NOP14: variants seen among roughly 807,000 people sequenced by gnomAD.
NOP14 encodes NOP14 nucleolar protein.
Under a neutral mutation model 101.6 loss-of-function variants are expected in NOP14, and 57 were observed. The ratio of observed to expected loss-of-function variants is 0.56; its 90% CI spans 0.45 to 0.70. NOP14 has a LOEUF of 0.70. Ranked by LOEUF, NOP14 falls within the 30% of genes least tolerant of loss-of-function variation. The pLI is 0.00. For synonymous variants in NOP14, 428 were observed against 424.0 expected (o/e 1.01, Z -0.12); for missense variants, 1,134 against 1,075.5 (o/e 1.05, Z -0.76).
At position 2,938,504 on chromosome 4, in the gene NOP14, CAAAAA is replaced by C; in HGVS notation, c.*322_*326del. On this transcript the variant is annotated 3_prime_UTR_variant, in exon 18 of 18. Coordinates refer to ENST00000416614, the MANE Select transcript of NOP14 (RefSeq NM_001291978.2). ...GGGCAACAAGAGCAAAACTCCGTCTCAAAAAAAAAAATTTTTTTTTAAGCGACACA... is the reference window on the plus strand; with the variant it reads ...GGGCAACAAGAGCAAAACTCCGTCTCAAAAAATTTTTTTTTAAGCGACACA... 1 of 288,318 alleles carries C rather than the reference CAAAAA, an allele frequency of 3.5e-6. No individual in the cohort carries two copies. Among genetic ancestry groups the C allele is most frequent in the South Asian group, 3.2e-5 (1 of 30,868 alleles). The allele number at this position is 288,318 out of a possible 1,614,324, so 17.9% of individuals were successfully genotyped here.
rs184398419 is a variant in NOP14 at position 2,942,366 on chromosome 4, C to T, written c.1892-15G>A. ...CAGAGTGGAACCTGAATTCCAAGTGCGACAGGACAGAGATGGCCTGAACAT... is the reference window on the plus strand; with the variant it reads ...CAGAGTGGAACCTGAATTCCAAGTGTGACAGGACAGAGATGGCCTGAACAT... On this transcript the variant is annotated splice_polypyrimidine_tract_variant and intron_variant, in intron 13 of 17. Coordinates refer to ENST00000416614, the MANE Select transcript of NOP14 (RefSeq NM_001291978.2). 2.2e-4 allele frequency: 357 copies of T among 1,611,148 alleles called. 1 individual carries two copies. In the African/African-American group the frequency reaches 3.8e-3, roughly 17 times the overall value.
At chr4:2,944,785 C>T (rs1337709520) in intron 12 of NOP14, among the ~76,000 whole-genome samples, 1 of 152,190 alleles carries the variant, frequency 6.6e-6, no homozygotes, top group Non-Finnish European at 1.5e-5. Flanking sequence ...CAATCACATG[C>T]CTAATAAAGA....
At chr4:2,941,173 T>G in intron 15 of NOP14, 1 of 176,344 alleles carries the variant, frequency 5.7e-6, no homozygotes, top group South Asian at 1.1e-4. Flanking sequence ...TGTTCTTGGG[T>G]CCAGCTGAGA....
Position 2,946,434 on chromosome 4 carries a change from G to A in NOP14, c.1613C>T (p.Ala538Val), listed in dbSNP as rs746877521. 2.5e-5 allele frequency: 41 copies of A among 1,614,218 alleles called. No individual in the cohort carries two copies. The highest frequency in any genetic ancestry group is 3.3e-5 in the South Asian group (3 of 91,088). The change falls in exon 11 of 18, where the codon GCG becomes GTG. Residue 538 changes from alanine (A) to valine (V), a missense_variant. Transcript: ENST00000416614. ...MEEMIETKGR[A>V]ALPGLDVLIY... ...TACCACATCCAACCCTGGCAATGCC[G>A]CCCGGCCTTTGGTCTCAATCATTTC...
At chr4:2,941,964 A>G in intron 14 of NOP14, 2 of 636,030 alleles carry the variant, frequency 3.1e-6, no homozygotes, top group South Asian at 2.2e-5. Flanking sequence ...GGGCGGCTCC[A>G]TTTTTGGTTC....
intron 12 of NOP14, among the ~76,000 whole-genome samples, chr4:2,944,696 C>T (rs962852708): frequency 7.9e-5 from 12 of 152,196 alleles, no homozygotes; most frequent in Non-Finnish European, 1.6e-4. Context: ...CGTGAGCCAC[C>T]GCGCCTGGCC....
At chr4:2,961,843 G>C (rs992272305) in intron 1 of NOP14, 17 of 152,202 alleles carry the variant, frequency 1.1e-4, no homozygotes, top group African/African-American at 4.1e-4. Flanking sequence ...CCAAGCATTG[G>C]AGATCCAAAA....
intron 4 of NOP14, 72 bp downstream of exon 4, chr4:2,954,352 A>G: frequency 6.5e-7 from 1 of 1,548,566 alleles, no homozygotes; most frequent in Admixed American, 2.0e-5. Flanking sequence ...GTACAGGAAA[A>G]AAAAGCTCAA....
At chr4:2,939,774 C>G in intron 15 of NOP14, 129 bp from the exon 16 acceptor site, 2 of 760,586 alleles carry the variant, frequency 2.6e-6, no homozygotes, top group South Asian at 1.5e-5. Context: ...AGGATGGTGC[C>G]CTTGCTGTGC....
At chr4:2,951,312 T>A (rs1358518278) in intron 6 of NOP14, 67 bp from the exon 7 acceptor site, 5 of 1,502,346 alleles carry the variant, frequency 3.3e-6, no homozygotes, top group Non-Finnish European at 4.6e-6. Flanking sequence ...GGCCGTGCAG[T>A]CCTGCCCTGG....
At chr4:2,960,023 G>A (rs1488132010) in intron 1 of NOP14, among the ~76,000 whole-genome samples, 4 of 151,522 alleles carry the variant, frequency 2.6e-5, no homozygotes, top group Non-Finnish European at 5.9e-5. Flanking sequence ...AGGCTGGAGT[G>A]CAGTGGCACA....
Position 2,942,289 on chromosome 4 carries a change from C to T in NOP14, c.1954G>A (p.Ala652Thr), listed in dbSNP as rs767752259. 2.5e-6 allele frequency: 4 copies of T among 1,614,042 alleles called. No homozygotes were observed. The African/African-American group carries it at 5.3e-5, about 22-fold the overall frequency. The change falls in exon 14 of 18, where the codon GCT becomes ACT. Residue 652 changes from alanine to threonine, a missense_variant. Transcript: ENST00000416614. ...GKNSELLVVSAREDVATWQQS... is the reference protein window; with the variant it reads ...GKNSELLVVSTREDVATWQQS... ...TGCCACGTGGCCACATCCTCTCTAGCAGACACCACGAGCAGTTCCGAGTTC... is the reference window on the plus strand; with the variant it reads ...TGCCACGTGGCCACATCCTCTCTAGTAGACACCACGAGCAGTTCCGAGTTC...
chr4:2,963,329 C>T lies in NOP14; in HGVS notation c.-10G>A, dbSNP rs1716309126. The T allele has an allele frequency of 1.3e-6, 2 of 1,562,374 alleles. No individual in the cohort carries two copies. Among genetic ancestry groups the T allele is most frequent in the Admixed American group, 2.0e-5 (1 of 49,672 alleles). ...TCTTCGCCTTCGCCATGGCGCGCGC[C>T]CCGCTGCGCCCAAGGGCCCGAGACC... On this transcript the variant is annotated 5_prime_UTR_variant, in exon 1 of 18. Transcript: ENST00000416614.
At position 2,938,484 on chromosome 4, in the gene NOP14, A is replaced by G; in HGVS notation, c.*347T>C. The G allele has an allele frequency of 2.9e-6, 1 of 339,110 alleles. No individual in the cohort carries two copies. Among genetic ancestry groups the G allele is most frequent in the South Asian group, 2.4e-5 (1 of 42,048 alleles). 21.0% of individuals were successfully genotyped at this position (339,110 alleles called of 1,614,324 possible). A position where few individuals can be genotyped will look rare whatever the true frequency, so the allele number is the denominator to read the frequency against. On this transcript the variant is annotated 3_prime_UTR_variant, in exon 18 of 18. Coordinates refer to ENST00000416614, the MANE Select transcript of NOP14 (RefSeq NM_001291978.2). ...GTGCCATTGCACTCCAGCCTGGGCA[A>G]CAAGAGCAAAACTCCGTCTCAAAAA...
Position 2,948,920 on chromosome 4 carries a change from C to T in NOP14, c.1283-512G>A, listed in dbSNP as rs142539080. 1.6e-3 allele frequency among the ~76,000 whole-genome samples: 247 copies of T among 152,372 alleles called. 2 individuals carry two copies. The highest frequency in any genetic ancestry group is 3.8e-3 in the Admixed American group (58 of 15,312). ...CTGGGCTGTCAGGTGCGATCACGCA[C>T]CTGGGAACAGGCTAATAAGGAAATG... On this transcript the variant is annotated intron_variant, in intron 8 of 17. Coordinates refer to ENST00000416614, the MANE Select transcript of NOP14 (RefSeq NM_001291978.2).
At chr4:2,943,988 C>A in intron 13 of NOP14, 85 bp downstream of exon 13, 2 of 1,170,310 alleles carry the variant, frequency 1.7e-6, no homozygotes, top group Non-Finnish European at 2.4e-6. Context: ...TTCGCATATT[C>A]TAAACTTTCT....
rs975941791 is a variant in NOP14 at position 2,950,131 on chromosome 4, C to A, written c.1085G>T (p.Gly362Val). ...TGTGTCCTCCCCGCCTGAACTGTCA[C>A]CTTCTTCCTCGTTGCTCTCAGGGTC... ...ASDPESNEEEGDSSGGEDTEE... is the reference protein window; with the variant it reads ...ASDPESNEEEVDSSGGEDTEE... The change falls in exon 8 of 18, where the codon GGT (glycine) becomes GTT (valine). Residue 362 changes from glycine to valine, a missense_variant. Gly to Val is a moderately radical substitution (Grantham distance 109, BLOSUM62 -3). Coordinates refer to ENST00000416614, the MANE Select transcript of NOP14 (RefSeq NM_001291978.2). 17 of 1,614,086 alleles carry A rather than the reference C, an allele frequency of 1.1e-5. No homozygotes were observed. The highest frequency in any genetic ancestry group is 1.4e-5 in the Non-Finnish European group (17 of 1,180,038).
At chr4:2,947,122 T>C in intron 10 of NOP14, 1 of 258,830 alleles carries the variant, frequency 3.9e-6, no homozygotes, top group Non-Finnish European at 7.4e-6. Flanking sequence ...AGACAAGAGG[T>C]ACACACTCCC....
Position 2,963,125 on chromosome 4 carries a change from C to G in NOP14, c.195G>C (p.Lys65Asn). Residue 65 changes from lysine (K) to asparagine (N), a missense_variant and splice_region_variant, in exon 1 of 18, where the codon AAG becomes AAC. Coordinates refer to ENST00000416614, the MANE Select transcript of NOP14 (RefSeq NM_001291978.2). ...PGVSRARALR[K>N]RTQTLLKEYK... ...GGCTCCCCGTGCGCCCCCCGCTTAC[C>G]TTCCTGAGGGCCCGTGCGCGAGACA... The G allele has an allele frequency of 6.5e-7, 1 of 1,549,586 alleles. No individual in the cohort carries two copies. Among genetic ancestry groups the G allele is most frequent in the Non-Finnish European group, 8.7e-7 (1 of 1,150,230 alleles).
Sources: gnomAD v4.1 joint callset for allele counts (sites outside exome capture counted in the v4.1 genomes callset) on GRCh38, gnomAD v4.1.1 for gene constraint, MANE v1.5 for transcripts, NCBI Gene and HGNC (gene_info 2026-07-23, HGNC 2026-07-21) for gene names.